The following PCDH11X variants were observed in gnomAD, a reference collection of about 807,000 sequenced individuals.
The protein encoded by PCDH11X is protocadherin 11 X-linked, also known as protocadherin-11 X-linked.
A neutral mutation model predicts 53.3 loss-of-function variants in PCDH11X; 18 were observed. That is an observed-to-expected ratio of 0.34 (90% confidence interval 0.23 to 0.50). The LOEUF (loss-of-function observed/expected upper bound fraction) is 0.50. Among genes scored for constraint, PCDH11X ranks in the 20% least tolerant of loss-of-function variants. The pLI is 0.98. For synonymous variants in PCDH11X, 279 were observed against 393.3 expected (o/e 0.71, Z 3.44); for missense variants, 570 against 1,032.4 (o/e 0.55, Z 6.14).
chrX:92,312,494 C>T (rs1284659883), intron 8 of PCDH11X, among the ~76,000 whole-genome samples: 1 of 109,735 alleles, frequency 9.1e-6, no homozygotes, highest in Non-Finnish European at 1.9e-5. Flanking sequence ...GATTGGTTCC[C>T]GTGGGAAAAA....
chrX:92,327,383 T>C (rs62600082), intron 8 of PCDH11X, among the ~76,000 whole-genome samples: 28,231 of 90,480 alleles, frequency 0.31, 5,211 homozygotes, highest in African/African-American at 0.48. Flanking sequence ...TTATTTTTCA[T>C]GTGCACTTGG....
At chrX:92,417,274 ACTTT>A (rs1356838801) in intron 9 of PCDH11X, among the ~76,000 whole-genome samples, 1 of 111,898 alleles carries the variant, frequency 8.9e-6, no homozygotes, top group East Asian at 2.8e-4. Flanking sequence ...AGTGTCAAAC[ACTTT>A]CTTTTCATGT....
intron 8 of PCDH11X, among the ~76,000 whole-genome samples, chrX:92,344,583 T>C (rs751168232): frequency 9.6e-6 from 1 of 104,053 alleles, no homozygotes; most frequent in Non-Finnish European, 1.9e-5. Flanking sequence ...AGTTGTACTA[T>C]AGAATTGCAT....
intron 6 of PCDH11X, among the ~76,000 whole-genome samples, chrX:92,077,131 C>A (rs989381000): frequency 2.8e-4 from 31 of 111,609 alleles, no homozygotes; most frequent in African/African-American, 9.4e-4. Context: ...TAATGGTGAG[C>A]AAGACAAAAA....
chrX:92,608,103 A>T lies in PCDH11X; in HGVS notation c.3368-10161A>T, dbSNP rs1208204779. Reference sequence around the variant, plus strand: ...AATGACAGTCACTGGACTCTATAACAAATTGAATCTCTATTTTTAGTTTTT... The same window carrying T: ...AATGACAGTCACTGGACTCTATAACTAATTGAATCTCTATTTTTAGTTTTT... On this transcript the variant is annotated intron_variant, in intron 10 of 10. Coordinates refer to ENST00000682573, the MANE Select transcript of PCDH11X (RefSeq NM_032968.5). Among the ~76,000 whole-genome samples, 3 of 109,691 alleles carry T rather than the reference A, an allele frequency of 2.7e-5. No homozygotes were observed. In the East Asian group the frequency reaches 8.6e-4, roughly 31 times the overall value.
chrX:92,301,600 A>G (rs1485813423), intron 8 of PCDH11X, among the ~76,000 whole-genome samples: 1 of 110,496 alleles, frequency 9.1e-6, no homozygotes, highest in East Asian at 2.9e-4. Context: ...CACTCCTCAC[A>G]TGTTCAATGC....
chrX:92,322,973 A>C (rs1177712433), intron 8 of PCDH11X, among the ~76,000 whole-genome samples: 1 of 111,936 alleles, frequency 8.9e-6, no homozygotes. Flanking sequence ...GGGAAAGACC[A>C]ATAACTTGAA....
intron 6 of PCDH11X, among the ~76,000 whole-genome samples, chrX:92,135,516 T>A (rs1336338817): frequency 9.0e-6 from 1 of 111,392 alleles, no homozygotes; most frequent in Non-Finnish European, 1.9e-5. Context: ...AGGAAGGTAC[T>A]ACATTTCATT....
intron 7 of PCDH11X, among the ~76,000 whole-genome samples, chrX:92,218,316 GAAA>G (rs2066768857): frequency 5.2e-5 from 2 of 38,472 alleles, no homozygotes; most frequent in Non-Finnish European, 1.2e-4. Flanking sequence ...TAATAAAGAA[GAAA>G]AGAGAGAAGA....
intron 9 of PCDH11X, among the ~76,000 whole-genome samples, chrX:92,462,455 C>T (rs191635473): frequency 1.6e-3 from 178 of 111,279 alleles, no homozygotes; most frequent in African/African-American, 5.6e-3. Flanking sequence ...AATTCACCCT[C>T]TCAAGAACAG....
At chrX:91,970,681 G>A (rs2061945553) in intron 6 of PCDH11X, among the ~76,000 whole-genome samples, 1 of 111,815 alleles carries the variant, frequency 8.9e-6, no homozygotes, top group South Asian at 3.8e-4. Context: ...ACCTCATAGT[G>A]CAGCCGCTCC....
chrX:92,066,624 T>C (rs1214284805), intron 6 of PCDH11X, among the ~76,000 whole-genome samples: 4 of 111,513 alleles, frequency 3.6e-5, no homozygotes, highest in Non-Finnish European at 5.6e-5. Context: ...CTTTTTTATT[T>C]CTTTTTCAAG....
intron 9 of PCDH11X, among the ~76,000 whole-genome samples, chrX:92,418,310 C>G (rs2148611726): frequency 9.0e-6 from 1 of 110,744 alleles, no homozygotes; most frequent in Admixed American, 9.7e-5. Context: ...ATATAAACGG[C>G]CAGGTAATCA....
At chrX:92,016,477 G>T (rs1263683944) in intron 6 of PCDH11X, among the ~76,000 whole-genome samples, 1 of 110,422 alleles carries the variant, frequency 9.1e-6, no homozygotes. Context: ...AATTATCTTA[G>T]CTAGATCTTC....
chrX:92,079,843 G>A (rs1301244837), intron 6 of PCDH11X, among the ~76,000 whole-genome samples: 1 of 111,495 alleles, frequency 9.0e-6, no homozygotes, highest in Non-Finnish European at 1.9e-5. Flanking sequence ...TGATGGTAAC[G>A]GTTGCTCAGC....
At chrX:92,276,950 C>T (rs1215272626) in intron 8 of PCDH11X, among the ~76,000 whole-genome samples, 2 of 110,951 alleles carry the variant, frequency 1.8e-5, no homozygotes, top group Non-Finnish European at 3.8e-5. Flanking sequence ...GCCTTTGGCT[C>T]CAGCCACCTT....
intron 5 of PCDH11X, among the ~76,000 whole-genome samples, chrX:91,864,784 A>C (rs905884863): frequency 1.8e-5 from 2 of 110,781 alleles, no homozygotes; most frequent in Non-Finnish European, 3.8e-5. Flanking sequence ...TGCTAGATTC[A>C]TTCTGCCATT....
At chrX:91,851,432 C>T (rs766209946) in intron 5 of PCDH11X, among the ~76,000 whole-genome samples, 15 of 111,626 alleles carry the variant, frequency 1.3e-4, no homozygotes, top group Non-Finnish European at 2.6e-4. Context: ...TCTATGGATA[C>T]GTACTCTTTT....
chrX:92,395,130 C>T (rs1212433534), intron 9 of PCDH11X, among the ~76,000 whole-genome samples: 1 of 110,845 alleles, frequency 9.0e-6, no homozygotes, highest in African/African-American at 3.3e-5. Context: ...TGGTCTTTAT[C>T]TGGCACTTCT....
Sources: allele counts gnomAD v4.1 joint callset (sites outside exome capture counted in the v4.1 genomes callset), GRCh38; gene constraint gnomAD v4.1.1; transcripts MANE v1.5; gene names NCBI Gene and HGNC (gene_info 2026-07-23, HGNC 2026-07-21).